PCDHA2: variants seen among roughly 807,000 people sequenced by gnomAD.
PCDHA2 encodes the protein protocadherin alpha-2.
In PCDHA2, 58 loss-of-function variants were observed where a neutral mutation model predicts 66.0. The observed-to-expected ratio is 0.88, with a 90% CI of 0.71 to 1.09. The LOEUF (loss-of-function observed/expected upper bound fraction) is 1.09. Ranked by LOEUF, PCDHA2 falls within the 50% of genes least tolerant of loss-of-function variation. PCDHA2 has a pLI of 0.00. For missense variants in PCDHA2, 1,267 were observed against 1,242.3 expected, an observed-to-expected ratio of 1.02 and a Z score of -0.30; for synonymous variants, 634 against 554.0, an observed-to-expected ratio of 1.14 and a Z score of -2.03.
intron 1 of PCDHA2, chr5:140,834,733 T>A: frequency 6.2e-7 from 1 of 1,614,226 alleles, no homozygotes; most frequent in Admixed American, 1.7e-5. Context: ...CTGCAGGTTT[T>A]CCATGTGGAC....
chr5:140,993,819 G>A (rs2097583362), intron 3 of PCDHA2, among the ~76,000 whole-genome samples: 1 of 152,142 alleles, frequency 6.6e-6, no homozygotes, highest in Non-Finnish European at 1.5e-5. Context: ...AGGAGCAATA[G>A]GCTATACCAT....
At chr5:140,855,628 C>T (rs1199061647) in intron 1 of PCDHA2, among the ~76,000 whole-genome samples, 1 of 149,588 alleles carries the variant, frequency 6.7e-6, no homozygotes, top group Non-Finnish European at 1.5e-5. Flanking sequence ...TTTTGAAATT[C>T]GGCTATTGAT....
At chr5:140,859,044 G>A (rs1228604447) in intron 1 of PCDHA2, 2 of 150,376 alleles carry the variant, frequency 1.3e-5, no homozygotes, top group Non-Finnish European at 3.0e-5. Flanking sequence ...CTTTAAAAAC[G>A]TTTTCCATTT....
intron 1 of PCDHA2, chr5:140,877,677 C>T (rs1554169970): frequency 6.2e-7 from 1 of 1,613,678 alleles, no homozygotes. Context: ...GCGCGCCGGG[C>T]AAGCCCACGC....
At chr5:140,871,053 G>A in intron 1 of PCDHA2, 1 of 1,613,334 alleles carries the variant, frequency 6.2e-7, no homozygotes, top group East Asian at 2.2e-5. Flanking sequence ...TAGTACTGGT[G>A]AAGGATCACG....
intron 1 of PCDHA2, chr5:140,830,400 T>C (rs2150186085): frequency 1.1e-5 from 18 of 1,614,068 alleles, no homozygotes; most frequent in Non-Finnish European, 8.5e-7. Flanking sequence ...ATGGATCTCA[T>C]GGCCTTTAGC....
At chr5:140,926,864 T>C in intron 1 of PCDHA2, 1 of 1,522,480 alleles carries the variant, frequency 6.6e-7, no homozygotes, top group South Asian at 1.3e-5. Flanking sequence ...GTGTAGCGTG[T>C]TGGTGGAACG....
At chr5:140,830,681 G>A (rs112940654) in intron 1 of PCDHA2, 1 of 335,664 alleles carries the variant, frequency 3.0e-6, no homozygotes, top group East Asian at 6.0e-5. Flanking sequence ...AGAAATCACT[G>A]TCCACAATCT....
intron 1 of PCDHA2, among the ~76,000 whole-genome samples, chr5:140,918,108 A>G (rs1283760333): frequency 2.6e-5 from 4 of 152,166 alleles, no homozygotes; most frequent in Non-Finnish European, 5.9e-5. Context: ...GATCTTTCAC[A>G]TCCTTGATTA....
intron 1 of PCDHA2, among the ~76,000 whole-genome samples, chr5:140,885,265 T>C (rs2060534945): frequency 6.6e-6 from 1 of 152,186 alleles, no homozygotes; most frequent in African/African-American, 2.4e-5. Flanking sequence ...TAATTACTCA[T>C]ACATATATAT....
At chr5:140,968,355 G>A in intron 1 of PCDHA2, 1 of 1,614,080 alleles carries the variant, frequency 6.2e-7, no homozygotes, top group South Asian at 1.1e-5. Context: ...GCCAGTGGCA[G>A]CCTTTATGCT....
intron 3 of PCDHA2, among the ~76,000 whole-genome samples, chr5:140,994,308 C>T (rs1402344988): frequency 6.6e-6 from 1 of 152,086 alleles, no homozygotes; most frequent in African/African-American, 2.4e-5. Flanking sequence ...TTTCACAGGG[C>T]CCAAACACTC....
rs146340581 is a variant in PCDHA2, at chr5:140,957,263, C to T, written c.2389-21686C>T. On this transcript the variant is annotated intron_variant, in intron 1 of 3. Transcript: ENST00000526136. ...TCTACCTAAAATTTAAATATGTAAG[C>T]ACTAGTCCCCCCTTACCTGCAGTTT... Among the ~76,000 whole-genome samples, 73 of 152,260 alleles carry T rather than the reference C, an allele frequency of 4.8e-4. No homozygotes were observed. In the East Asian group the frequency reaches 0.01, roughly 22 times the overall value.
chr5:140,928,757 G>T (rs372744198), intron 1 of PCDHA2: 1 of 1,614,092 alleles, frequency 6.2e-7, no homozygotes, highest in African/African-American at 1.3e-5. Context: ...CGTACTGCTC[G>T]CTTAGTTCTT....
chr5:140,795,919 C>T lies in PCDHA2; in HGVS notation c.955C>T (p.Gln319Ter). The T allele has an allele frequency of 2.5e-6, 4 of 1,613,788 alleles. No individual in the cohort carries two copies. Among genetic ancestry groups the T allele is most frequent in the Non-Finnish European group, 3.4e-6 (4 of 1,179,770 alleles). ...TGAAGAAGCAAAGTCCTACGAGATTCAGGTCACTGCAACTGACAAAGGAAC... is the reference window on the plus strand; with the variant it reads ...TGAAGAAGCAAAGTCCTACGAGATTTAGGTCACTGCAACTGACAAAGGAAC... Reference protein sequence around the residue: ...DYEEAKSYEIQVTATDKGTPS... With the variant: ...DYEEAKSYEI The change falls in exon 1 of 4, where the codon CAG becomes TAG. Residue 319 changes from glutamine (Q) to a stop codon, truncating the protein, a stop_gained. Coordinates refer to ENST00000526136, the MANE Select transcript of PCDHA2 (RefSeq NM_018905.3). LOFTEE classifies it high-confidence loss of function.
At chr5:140,970,331 T>C (rs1442466340) in intron 1 of PCDHA2, among the ~76,000 whole-genome samples, 1 of 152,210 alleles carries the variant, frequency 6.6e-6, no homozygotes, top group African/African-American at 2.4e-5. Context: ...TTCCAAAGCA[T>C]GCATTCATTT....
At chr5:140,849,982 A>T (rs2150461317) in intron 1 of PCDHA2, 3 of 1,597,430 alleles carry the variant, frequency 1.9e-6, no homozygotes, top group Non-Finnish European at 2.6e-6. Flanking sequence ...TCGCTGGTGG[A>T]GCGGCGGTTG....
chr5:140,998,066 C>T (rs1234368433), intron 3 of PCDHA2, among the ~76,000 whole-genome samples: 2 of 152,160 alleles, frequency 1.3e-5, no homozygotes, highest in East Asian at 1.9e-4. Flanking sequence ...CATCAACAGA[C>T]TTAGCCTCTG....
chr5:140,848,923 C>A (rs2150425002), intron 1 of PCDHA2: 1 of 1,607,740 alleles, frequency 6.2e-7, no homozygotes, highest in Non-Finnish European at 8.5e-7. Flanking sequence ...CTGTTCATCG[C>A]GGAATCCAGG....
Sources: allele counts gnomAD v4.1 joint callset (sites outside exome capture counted in the v4.1 genomes callset), GRCh38; gene constraint gnomAD v4.1.1; transcripts MANE v1.5; gene names NCBI Gene and HGNC (gene_info 2026-07-23, HGNC 2026-07-21).